FARP2: variants seen among roughly 807,000 people sequenced by gnomAD.
The protein encoded by FARP2 is FERM, ARHGEF and pleckstrin domain-containing protein 2.
Under a neutral mutation model 130.5 loss-of-function variants are expected in FARP2, and 111 were observed. The observed-to-expected ratio is 0.85, with a 90% CI of 0.73 to 1.00. FARP2 has a LOEUF of 1.00. Among genes scored for constraint, FARP2 ranks in the 50% least tolerant of loss-of-function variants. FARP2 has a pLI of 0.00. For synonymous variants in FARP2, 504 were observed against 516.9 expected, an observed-to-expected ratio of 0.98 and a Z score of 0.34; for missense variants, 1,385 against 1,346.3, an observed-to-expected ratio of 1.03 and a Z score of -0.45.
intron 26 of FARP2, chr2:241,493,797 A>G: frequency 2.0e-6 from 1 of 496,464 alleles, no homozygotes; most frequent in Non-Finnish European, 3.6e-6. Context: ...GGGTTTCACC[A>G]TGTTGGCCAG....
intron 14 of FARP2, among the ~76,000 whole-genome samples, chr2:241,458,145 G>A (rs766944825): frequency 6.6e-6 from 1 of 152,080 alleles, no homozygotes; most frequent in South Asian, 2.1e-4. Flanking sequence ...CTACAGCTAC[G>A]GTTTTGCAGA....
intron 19 of FARP2, 76 bp downstream of exon 19, chr2:241,476,063 A>G (rs2064449670): frequency 7.2e-7 from 1 of 1,394,836 alleles, no homozygotes; most frequent in Non-Finnish European, 9.9e-7. Context: ...CATACCACAA[A>G]AGTCACCATT....
At chr2:241,476,485 C>T (rs1297299664) in intron 19 of FARP2, among the ~76,000 whole-genome samples, 7 of 152,000 alleles carry the variant, frequency 4.6e-5, no homozygotes, top group African/African-American at 1.2e-4. Flanking sequence ...GTTGGGAGTT[C>T]GAGACCAGCC....
At chr2:241,394,188 A>T (rs934014754) in intron 2 of FARP2, among the ~76,000 whole-genome samples, 1 of 152,224 alleles carries the variant, frequency 6.6e-6, no homozygotes, top group African/African-American at 2.4e-5. Context: ...TAGGACCAGA[A>T]GGTATGTTTT....
intron 6 of FARP2, among the ~76,000 whole-genome samples, chr2:241,412,292 T>G (rs2062541145): frequency 6.6e-6 from 1 of 152,208 alleles, no homozygotes; most frequent in Non-Finnish European, 1.5e-5. Flanking sequence ...ATGAGTCAGT[T>G]ACCTCCCACT....
chr2:241,477,991 A>T (rs1190029574), intron 19 of FARP2: 1 of 152,360 alleles, frequency 6.6e-6, no homozygotes, highest in African/African-American at 2.4e-5. Flanking sequence ...TGAATGCTAG[A>T]CCTTTATCAG....
intron 2 of FARP2, among the ~76,000 whole-genome samples, chr2:241,385,429 A>G (rs1376452715): frequency 6.6e-6 from 1 of 152,332 alleles, no homozygotes; most frequent in African/African-American, 2.4e-5. Context: ...TTCAGTCAAT[A>G]TAAATGAGTA....
intron 17 of FARP2, 46 bp downstream of exon 17, chr2:241,464,026 A>G (rs1236389718): frequency 8.6e-6 from 13 of 1,515,614 alleles, no homozygotes; most frequent in Non-Finnish European, 1.2e-5. Context: ...TGTTTATGGG[A>G]GCAAAACCAT....
intron 26 of FARP2, 40 bp downstream of exon 26, chr2:241,493,484 C>G (rs779913006): frequency 6.3e-7 from 1 of 1,596,466 alleles, no homozygotes; most frequent in Non-Finnish European, 8.6e-7. Context: ...CTGCCCATTT[C>G]GATGTCCGCT....
chr2:241,424,295 A>C, intron 8 of FARP2, among the ~76,000 whole-genome samples: 1 of 152,218 alleles, frequency 6.6e-6, no homozygotes. Flanking sequence ...ATTAGAACTC[A>C]AGATTTAAAC....
At chr2:241,448,570 T>C (rs1157285277) in intron 13 of FARP2, among the ~76,000 whole-genome samples, 2 of 152,208 alleles carry the variant, frequency 1.3e-5, no homozygotes, top group Non-Finnish European at 2.9e-5. Context: ...AACAAAAACA[T>C]AGAGGCTGTG....
intron 8 of FARP2, among the ~76,000 whole-genome samples, chr2:241,422,260 C>CAAA (rs1198628886): frequency 1.4e-4 from 13 of 91,972 alleles, no homozygotes; most frequent in South Asian, 3.2e-4. Context: ...ACTAAAAATA[C>CAAA]AAAAAAAAAA....
chr2:241,384,513 A>C (rs1322694743), intron 2 of FARP2, among the ~76,000 whole-genome samples: 1 of 152,230 alleles, frequency 6.6e-6, no homozygotes, highest in Non-Finnish European at 1.5e-5. Context: ...GCAACTGATA[A>C]GTTCATGGAT....
intron 2 of FARP2, among the ~76,000 whole-genome samples, chr2:241,389,292 A>G (rs2061854812): frequency 6.6e-6 from 1 of 152,166 alleles, no homozygotes; most frequent in Non-Finnish European, 1.5e-5. Context: ...AAAACAAACA[A>G]TCAAACAAAC....
intron 2 of FARP2, among the ~76,000 whole-genome samples, chr2:241,385,921 A>G (rs1394951148): frequency 6.6e-6 from 1 of 152,124 alleles, no homozygotes; most frequent in African/African-American, 2.4e-5. Context: ...TTAGCTTCCC[A>G]TTGTGAATGT....
chr2:241,435,744 C>T (rs1289050115), intron 11 of FARP2, among the ~76,000 whole-genome samples: 1 of 151,480 alleles, frequency 6.6e-6, no homozygotes, highest in Non-Finnish European at 1.5e-5. Flanking sequence ...ACCTCCTGAC[C>T]TCATGATCCA....
At chr2:241,372,900 C>T (rs1272835483) in intron 1 of FARP2, 184 bp from the exon 2 acceptor site, 2 of 351,302 alleles carry the variant, frequency 5.7e-6, no homozygotes, top group Non-Finnish European at 1.0e-5. Flanking sequence ...TTATGCTCCA[C>T]CTATGAGTGC....
In FARP2 at chr2:241,463,902, A is replaced by T; in HGVS notation, c.1815A>T (p.Glu605Asp). 1 of 1,613,450 alleles carries T rather than the reference A, an allele frequency of 6.2e-7. No individual in the cohort carries two copies. Among genetic ancestry groups the T allele is most frequent in the African/African-American group, 1.3e-5 (1 of 75,050 alleles). ...REVEQRLALW[E>D]GPSKAHTKGS... is the part of the protein sequence containing the mutation. ...GACTTTGTTTCTTTTTACTCAGGGA[A>T]GGGCCCTCCAAAGCCCACACAAAAG... Residue 605 changes from glutamate (E) to aspartate (D), a missense_variant, in exon 17 of 27, where the codon GAA becomes GAT. Transcript: ENST00000264042.
At chr2:241,486,932 TAAGCAGCCCCATC>T (rs1191509283) in intron 21 of FARP2, among the ~76,000 whole-genome samples, 3 of 152,174 alleles carry the variant, frequency 2.0e-5, no homozygotes, top group East Asian at 1.9e-4. Flanking sequence ...GTGGGTAAGG[TAAGCAGCCCCATC>T]GAGCAGCCCC....
Sources: gnomAD v4.1 joint callset for allele counts (sites outside exome capture counted in the v4.1 genomes callset) on GRCh38, gnomAD v4.1.1 for gene constraint, MANE v1.5 for transcripts, NCBI Gene and HGNC (gene_info 2026-07-23, HGNC 2026-07-21) for gene names.